The following FGD5 variants were observed in gnomAD, a reference collection of about 807,000 sequenced individuals.
FGD5 encodes the protein FYVE, RhoGEF and PH domain-containing protein 5.
In FGD5, 28 loss-of-function variants were observed where a neutral mutation model predicts 133.4. The observed-to-expected ratio is 0.21, with a 90% CI of 0.16 to 0.29. FGD5 has a LOEUF of 0.29. Ranked by LOEUF, FGD5 falls within the 10% of genes least tolerant of loss-of-function variation. The probability of loss-of-function intolerance (pLI) is 1.00; values close to 1 mark genes in which losing one functional copy is unlikely to be tolerated. For synonymous variants in FGD5, 810 were observed against 776.5 expected (o/e 1.04, Z -0.72); for missense variants, 1,858 against 1,895.2 (o/e 0.98, Z 0.36).
At chr3:14,911,597 A>T (rs953275645) in intron 11 of FGD5, among the ~76,000 whole-genome samples, 1 of 151,918 alleles carries the variant, frequency 6.6e-6, no homozygotes, top group Non-Finnish European at 1.5e-5. Flanking sequence ...AGTGGGAGAG[A>T]CAGGCTGTGG....
rs547100579 is a variant in FGD5, at chr3:14,928,635, C to T, written c.4197+2437C>T. ...TGGCACGCACCTGTAGTCTCAACTA[C>T]TTAGGAGGCCGAGGCAGGAGAATCG... On this transcript the variant is annotated intron_variant, in intron 18 of 19. Coordinates refer to ENST00000285046, the MANE Select transcript of FGD5 (RefSeq NM_152536.4). Among the ~76,000 whole-genome samples, 11 of 152,216 alleles carry T rather than the reference C, an allele frequency of 7.2e-5. No individual in the cohort carries two copies. The South Asian group carries it at 1.5e-3, about 20-fold the overall frequency.
chr3:14,932,536 G>A (rs1035833937), intron 18 of FGD5, 41 bp from the exon 19 acceptor site: 3 of 1,596,852 alleles, frequency 1.9e-6, no homozygotes, highest in East Asian at 2.2e-5. Flanking sequence ...ACTATGCAGA[G>A]TGTGGTGTTT....
intron 2 of FGD5, among the ~76,000 whole-genome samples, chr3:14,870,669 G>A (rs1481119911): frequency 6.6e-6 from 1 of 152,138 alleles, no homozygotes; most frequent in Non-Finnish European, 1.5e-5. Flanking sequence ...GCCCGTTCCA[G>A]CCATGGCCAG....
At chr3:14,874,551 G>A (rs1253355966) in intron 2 of FGD5, among the ~76,000 whole-genome samples, 1 of 152,114 alleles carries the variant, frequency 6.6e-6, no homozygotes, top group Non-Finnish European at 1.5e-5. Flanking sequence ...TGGTTGCCGG[G>A]GGTGGAGGGA....
intron 2 of FGD5, among the ~76,000 whole-genome samples, chr3:14,875,920 C>T (rs879622771): frequency 4.6e-5 from 7 of 152,022 alleles, no homozygotes; most frequent in Admixed American, 3.9e-4. Flanking sequence ...GGGTGTGTGC[C>T]GAGCCAGACA....
chr3:14,810,874 CCCGGCGACCT>C lies in FGD5; in HGVS notation c.13+16_13+25del, dbSNP rs1336795175. ...GAAGATGAACAGAGCAGGTAGGAGG[CCCGGCGACCT>C]CCGGCGCCGAGGCACGAGCGCGAGG... On this transcript the variant is annotated intron_variant, in intron 1 of 1. Coordinates refer to the FGD5 transcript ENST00000640506. 7.1e-6 allele frequency: 7 copies of C among 984,942 alleles called. No individual in the cohort carries two copies. In the African/African-American group the frequency reaches 1.0e-4, roughly 15 times the overall value. 61.0% of individuals were successfully genotyped at this position (984,942 alleles called of 1,614,324 possible).
chr3:14,916,369 G>C lies in FGD5; in HGVS notation c.3406-880G>C, dbSNP rs534022937. On this transcript the variant is annotated intron_variant, in intron 11 of 19. Transcript: ENST00000285046. ...AACCAGAAATACTCTCTCCTAAGGAGATAAAGTGACTTTCATTACATGTCT... is the reference window on the plus strand; with the variant it reads ...AACCAGAAATACTCTCTCCTAAGGACATAAAGTGACTTTCATTACATGTCT... Among the ~76,000 whole-genome samples the C allele has an allele frequency of 2.0e-5, 3 of 152,326 alleles. No individual in the cohort carries two copies. In the South Asian group the frequency reaches 6.2e-4, roughly 32 times the overall value.
At chr3:14,877,395 C>T (rs745908336) in intron 2 of FGD5, among the ~76,000 whole-genome samples, 1 of 152,034 alleles carries the variant, frequency 6.6e-6, no homozygotes, top group Non-Finnish European at 1.5e-5. Context: ...CGTGTCTGGA[C>T]CCTACCAAAA....
At chr3:14,822,871 C>T (rs1046094813) in intron 1 of FGD5, among the ~76,000 whole-genome samples, 1 of 152,204 alleles carries the variant, frequency 6.6e-6, no homozygotes, top group African/African-American at 2.4e-5. Context: ...GGATGATTTG[C>T]AATTAGCATT....
Position 14,897,969 on chromosome 3 carries a change from C to T in FGD5, c.2940C>T (p.Phe980=). The part of the protein sequence containing the change: ...WESQQKVADV[F]LAREQGFDHH... ...GCCAGCAGAAGGTAGCTGACGTCTTCCTGGCCCGGGAGCAGGGGTTTGATC... is the reference window on the plus strand; with the variant it reads ...GCCAGCAGAAGGTAGCTGACGTCTTTCTGGCCCGGGAGCAGGGGTTTGATC... The change falls in exon 6 of 20, where the codon TTC becomes TTT. Residue 980 remains phenylalanine, a synonymous_variant. Transcript: ENST00000285046. 1 of 1,613,836 alleles carries T rather than the reference C, an allele frequency of 6.2e-7. No homozygotes were observed. Among genetic ancestry groups the T allele is most frequent in the Non-Finnish European group, 8.5e-7 (1 of 1,179,848 alleles).
intron 4 of FGD5, among the ~76,000 whole-genome samples, chr3:14,891,200 G>T (rs1265900766): frequency 6.6e-6 from 1 of 152,116 alleles, no homozygotes; most frequent in African/African-American, 2.4e-5. Context: ...GGAAAGAGTT[G>T]GGAGTCCTCC....
intron 4 of FGD5, among the ~76,000 whole-genome samples, chr3:14,888,465 G>C (rs1207616645): frequency 6.6e-6 from 1 of 152,154 alleles, no homozygotes; most frequent in Non-Finnish European, 1.5e-5. Flanking sequence ...AGGGCTAAAG[G>C]CCTCTGGCTA....
chr3:14,931,530 C>G (rs936609886), intron 18 of FGD5: 49 of 152,286 alleles, frequency 3.2e-4, no homozygotes, highest in Admixed American at 3.2e-3. Context: ...CTTCTTCTTC[C>G]TCCCACCACC....
chr3:14,903,544 C>T, intron 9 of FGD5, among the ~76,000 whole-genome samples: 1 of 143,100 alleles, frequency 7.0e-6, no homozygotes, highest in Non-Finnish European at 1.5e-5. Context: ...TGATGTTCCC[C>T]TTCCTGTGTC....
At chr3:14,818,135 C>T (rs2036406086), upstream of FGD5, among the ~76,000 whole-genome samples, 1 of 152,186 alleles carries the variant, frequency 6.6e-6, no homozygotes. Flanking sequence ...TTTATTCTGC[C>T]ATGGTCAGAA....
chr3:14,898,475 A>C (rs192308197), intron 6 of FGD5, among the ~76,000 whole-genome samples: 1 of 152,272 alleles, frequency 6.6e-6, no homozygotes, highest in East Asian at 1.9e-4. Flanking sequence ...TCCATTGCTA[A>C]CATTAAGAGC....
At chr3:14,900,066 A>T (rs1430600310) in intron 7 of FGD5, among the ~76,000 whole-genome samples, 1 of 152,186 alleles carries the variant, frequency 6.6e-6, no homozygotes, top group Non-Finnish European at 1.5e-5. Context: ...GGTTCCACAC[A>T]ACACACTCGG....
intron 1 of FGD5, among the ~76,000 whole-genome samples, chr3:14,852,888 T>A (rs1307330796): frequency 6.6e-6 from 1 of 152,220 alleles, no homozygotes; most frequent in Admixed American, 6.5e-5. Context: ...TCTCAGGGCC[T>A]GGCCCCCAGG....
upstream of FGD5, chr3:14,810,718 C>G (rs1366365522): frequency 4.7e-5 from 38 of 812,866 alleles, no homozygotes; most frequent in South Asian, 1.8e-3. Flanking sequence ...GAGTCCGAGG[C>G]GCGCCGGGGC....
Sources: gnomAD v4.1 joint callset for allele counts (sites outside exome capture counted in the v4.1 genomes callset) on GRCh38, gnomAD v4.1.1 for gene constraint, MANE v1.5 for transcripts, NCBI Gene and HGNC (gene_info 2026-07-23, HGNC 2026-07-21) for gene names.